KDM4C: variants seen among roughly 807,000 people sequenced by gnomAD.
KDM4C encodes the protein lysine demethylase 4C.
KDM4C carries 81 observed loss-of-function variants against 129.3 expected under a neutral mutation model. The observed-to-expected ratio is 0.63, with a 90% CI of 0.52 to 0.75. The LOEUF is 0.75. Among genes scored for constraint, KDM4C ranks in the 30% least tolerant of loss-of-function variants. The pLI, the probability that KDM4C is intolerant of heterozygous loss-of-function variation, is 0.00. For synonymous variants in KDM4C, 573 were observed against 456.1 expected, an observed-to-expected ratio of 1.26 and a Z score of -3.26; for missense variants, 1,457 against 1,304.0, an observed-to-expected ratio of 1.12 and a Z score of -1.81.
chr9:7,017,324 C>G (rs976870368), intron 15 of KDM4C, among the ~76,000 whole-genome samples: 1 of 152,154 alleles, frequency 6.6e-6, no homozygotes, highest in Non-Finnish European at 1.5e-5. Context: ...AGTTTCTGGT[C>G]TGTACTAGGC....
At chr9:6,777,758 T>G (rs1823399582) in intron 1 of KDM4C, among the ~76,000 whole-genome samples, 2 of 152,000 alleles carry the variant, frequency 1.3e-5, no homozygotes, top group Non-Finnish European at 2.9e-5. Flanking sequence ...TGTAACATTC[T>G]TAACAAGCCA....
chr9:6,985,072 A>G (rs371796274), intron 10 of KDM4C, among the ~76,000 whole-genome samples: 5 of 152,262 alleles, frequency 3.3e-5, no homozygotes, highest in South Asian at 4.1e-4. Context: ...CCCCTCCGCC[A>G]GAATCCGACT....
intron 1 of KDM4C, among the ~76,000 whole-genome samples, chr9:6,724,841 A>G (rs1588027966): frequency 6.6e-6 from 1 of 152,152 alleles, no homozygotes; most frequent in South Asian, 2.1e-4. Context: ...TGGGTGTATT[A>G]CTTTCTTATT....
intron 1 of KDM4C, among the ~76,000 whole-genome samples, chr9:6,762,906 C>T (rs1355057630): frequency 2.0e-5 from 3 of 151,988 alleles, no homozygotes; most frequent in African/African-American, 4.8e-5. Context: ...TGATCCACCC[C>T]CTCACCCTCC....
At chr9:6,792,040 A>C (rs1484847319) in intron 1 of KDM4C, among the ~76,000 whole-genome samples, 2 of 150,402 alleles carry the variant, frequency 1.3e-5, no homozygotes, top group Non-Finnish European at 3.0e-5. Context: ...AAAAGAGAAA[A>C]GGAAAATTTA....
chr9:7,095,039 C>G (rs117449385), intron 17 of KDM4C, among the ~76,000 whole-genome samples: 1 of 152,324 alleles, frequency 6.6e-6, no homozygotes, highest in Non-Finnish European at 1.5e-5. Context: ...CCCAACCACT[C>G]TAACCAAGGT....
At chr9:7,077,088 A>C (rs1834013099) in intron 17 of KDM4C, 1 of 985,384 alleles carries the variant, frequency 1.0e-6, no homozygotes, top group Non-Finnish European at 1.2e-6. Flanking sequence ...CATTCATCAA[A>C]GTTCTATCTG....
chr9:7,166,435 A>G (rs1432475698), intron 20 of KDM4C, among the ~76,000 whole-genome samples: 4 of 97,820 alleles, frequency 4.1e-5, no homozygotes, highest in Non-Finnish European at 6.1e-5. Context: ...ATGTATACAC[A>G]TACATTGTGT....
chr9:6,832,469 A>T, intron 4 of KDM4C, among the ~76,000 whole-genome samples: 1 of 122,984 alleles, frequency 8.1e-6, no homozygotes, highest in Non-Finnish European at 1.6e-5. Flanking sequence ...TCTGTCACCC[A>T]GGCTGGAGTG....
At chr9:6,813,404 A>T (rs970985639) in intron 3 of KDM4C, among the ~76,000 whole-genome samples, 1 of 152,162 alleles carries the variant, frequency 6.6e-6, no homozygotes, top group Non-Finnish European at 1.5e-5. Flanking sequence ...TCTATGTTTT[A>T]AATACAGTTG....
At chr9:6,963,223 A>G (rs932422899) in intron 8 of KDM4C, among the ~76,000 whole-genome samples, 32 of 152,230 alleles carry the variant, frequency 2.1e-4, no homozygotes, top group African/African-American at 6.5e-4. Flanking sequence ...CTTAGCAAGT[A>G]GTTTTTAGTA....
chr9:6,922,781 T>C (rs1821771062), intron 8 of KDM4C, among the ~76,000 whole-genome samples: 1 of 152,188 alleles, frequency 6.6e-6, no homozygotes, highest in Non-Finnish European at 1.5e-5. Context: ...CAACATATCC[T>C]CAAGCAGTTA....
intron 8 of KDM4C, among the ~76,000 whole-genome samples, chr9:6,967,591 T>A (rs539684165): frequency 4.6e-4 from 70 of 152,176 alleles, no homozygotes; most frequent in African/African-American, 1.6e-3. Flanking sequence ...TGAAACGGGC[T>A]TGTAGGGAAG....
intron 8 of KDM4C, among the ~76,000 whole-genome samples, chr9:6,913,155 G>A (rs1819634409): frequency 1.3e-5 from 2 of 152,110 alleles, no homozygotes; most frequent in Non-Finnish European, 2.9e-5. Context: ...TAAAGCACTA[G>A]TACTTATTCT....
At chr9:7,032,606 A>G (rs1031721082) in intron 15 of KDM4C, among the ~76,000 whole-genome samples, 2 of 152,246 alleles carry the variant, frequency 1.3e-5, no homozygotes, top group African/African-American at 4.8e-5. Context: ...TTCTTCGTCT[A>G]TCTCAGAAGC....
Position 7,074,114 on chromosome 9 carries a change from C to G in KDM4C, c.2424+24914C>G, listed in dbSNP as rs79068421. On this transcript the variant is annotated intron_variant, in intron 17 of 21. Coordinates refer to ENST00000381309, the MANE Select transcript of KDM4C (RefSeq NM_015061.6). ...CTTACTTTATAGAGAAAAAGGATGT[C>G]AGTATTGAGCTTATTTCCTAACATC... Among the ~76,000 whole-genome samples the G allele has an allele frequency of 2.6e-3, 403 of 152,166 alleles. 10 individuals are homozygous for G. The highest frequency in any genetic ancestry group is 0.025 in the East Asian group (129 of 5,174).
intron 8 of KDM4C, among the ~76,000 whole-genome samples, chr9:6,917,685 T>C (rs1034975768): frequency 6.6e-6 from 1 of 152,134 alleles, no homozygotes; most frequent in South Asian, 2.1e-4. Flanking sequence ...TCTCCTCCTG[T>C]CTCCATCCTC....
Position 6,940,027 on chromosome 9 carries a change from TTCCTTCTTTCCTTCCTTCCC to T in KDM4C, c.922-40891_922-40872del, listed in dbSNP as rs1216213211. Among the ~76,000 whole-genome samples, 83 of 133,192 alleles carry T rather than the reference TTCCTTCTTTCCTTCCTTCCC, an allele frequency of 6.2e-4. 2 individuals carry two copies. The highest frequency in any genetic ancestry group is 1.1e-3 in the African/African-American group (38 of 33,312). 87.4% of individuals were successfully genotyped at this position (133,192 alleles called of 152,430 possible). On this transcript the variant is annotated intron_variant, in intron 8 of 21. Transcript: ENST00000381309. ...CTTCCTTCCTTCCTTCCTTCCTTCC[TTCCTTCTTTCCTTCCTTCCC>T]TCCTTCCCTCCTTCCCTCCTTCTCT...
At chr9:6,972,178 C>G (rs1832098000) in intron 8 of KDM4C, among the ~76,000 whole-genome samples, 1 of 151,750 alleles carries the variant, frequency 6.6e-6, no homozygotes, top group South Asian at 2.1e-4. Context: ...AGAGAGAGAC[C>G]TTGATCTCTT....
Sources: gnomAD v4.1 joint callset for allele counts (sites outside exome capture counted in the v4.1 genomes callset) on GRCh38, gnomAD v4.1.1 for gene constraint, MANE v1.5 for transcripts, NCBI Gene and HGNC (gene_info 2026-07-23, HGNC 2026-07-21) for gene names.